Variants in MAP3K4 observed in about 807,000 individuals in gnomAD.
The protein encoded by MAP3K4 is MAP three kinase 1.
In MAP3K4, 67 loss-of-function variants were observed where a neutral mutation model predicts 185.6. The ratio of observed to expected loss-of-function variants is 0.36; its 90% CI spans 0.30 to 0.44. MAP3K4 has a LOEUF of 0.44. Ranked by LOEUF, MAP3K4 falls within the 20% of genes least tolerant of loss-of-function variation. The pLI is 1.00. For synonymous variants in MAP3K4, 702 were observed against 710.4 expected, an observed-to-expected ratio of 0.99 and a Z score of 0.19; for missense variants, 1,551 against 1,995.1, an observed-to-expected ratio of 0.78 and a Z score of 4.24.
In MAP3K4 at chr6:161,109,134, C is replaced by G. The variant is rs1010987715; in HGVS notation, c.4236+275C>G. On this transcript the variant is annotated intron_variant, in intron 22 of 26. Coordinates refer to ENST00000392142, the MANE Select transcript of MAP3K4 (RefSeq NM_005922.4). The surrounding 1 kb of genome is among the most constrained non-coding windows in gnomAD (Gnocchi z 5.7). ...GATTCTTCTAAAACGCCCCTTACACCACTTCTTGTGACTTTTTTTCCGTTT... is the reference window on the plus strand; with the variant it reads ...GATTCTTCTAAAACGCCCCTTACACGACTTCTTGTGACTTTTTTTCCGTTT... 2.5e-6 allele frequency: 2 copies of G among 815,908 alleles called. No homozygotes were observed. The highest frequency in any genetic ancestry group is 3.8e-6 in the Non-Finnish European group (2 of 520,952). The allele number at this position is 815,908 out of a possible 1,614,324, so 50.5% of individuals were successfully genotyped here. A position where few individuals can be genotyped will look rare whatever the true frequency, so the allele number is the denominator to read the frequency against.
At chr6:161,025,357 C>A (rs1380018200) in intron 1 of MAP3K4, among the ~76,000 whole-genome samples, 3 of 152,170 alleles carry the variant, frequency 2.0e-5, no homozygotes, top group South Asian at 2.1e-4. Flanking sequence ...GCCGTCAAAG[C>A]AAAGGTGAGA....
intron 1 of MAP3K4, among the ~76,000 whole-genome samples, chr6:161,003,543 G>A (rs1781430959): frequency 6.6e-6 from 1 of 152,154 alleles, no homozygotes; most frequent in South Asian, 2.1e-4. Context: ...TCAGAAGACT[G>A]TACTGCAAGG....
intron 1 of MAP3K4, among the ~76,000 whole-genome samples, chr6:161,005,314 G>GT (rs573986564): frequency 7.0e-4 from 106 of 151,826 alleles, no homozygotes; most frequent in African/African-American, 2.5e-3. Flanking sequence ...AGTTTTTTAA[G>GT]TTTTTTGTAG....
rs1209996976 is a variant in MAP3K4 at position 160,996,394 on chromosome 6, T to A, written c.152+4311T>A. Among the ~76,000 whole-genome samples, 1 of 152,204 alleles carries A rather than the reference T, an allele frequency of 6.6e-6. No homozygotes were observed. The highest frequency in any genetic ancestry group is 1.5e-5 in the Non-Finnish European group (1 of 68,038). ...TTCCTTCATGTATGCTCTCATGGTG[T>A]CCTGCAAATCTTGTTCTGAGCTCTG... On this transcript the variant is annotated intron_variant, in intron 1 of 26. Coordinates refer to ENST00000392142, the MANE Select transcript of MAP3K4 (RefSeq NM_005922.4). The surrounding 1 kb of genome is among the most constrained non-coding windows in gnomAD (Gnocchi z 4.5).
At chr6:161,018,486 G>A (rs893770446) in intron 1 of MAP3K4, among the ~76,000 whole-genome samples, 1 of 152,154 alleles carries the variant, frequency 6.6e-6, no homozygotes, top group Non-Finnish European at 1.5e-5. Flanking sequence ...AGTGAGGTTA[G>A]GCTGTTTCTA....
At chr6:161,052,380 A>T (rs952475951) in intron 3 of MAP3K4, among the ~76,000 whole-genome samples, 5 of 152,224 alleles carry the variant, frequency 3.3e-5, no homozygotes, top group African/African-American at 1.2e-4. Flanking sequence ...GGTTTGACCA[A>T]TTGAGATTTC....
chr6:161,090,980 T>C (rs1212825485), intron 11 of MAP3K4, among the ~76,000 whole-genome samples: 4 of 151,900 alleles, frequency 2.6e-5, no homozygotes, highest in Non-Finnish European at 5.9e-5. Context: ...GACTAGGGAG[T>C]AGCAGGGAAA....
At position 161,114,865 on chromosome 6, in the gene MAP3K4, A is replaced by G. The variant is rs958516054; in HGVS notation, c.4627-258A>G. Among the ~76,000 whole-genome samples, 1 of 152,156 alleles carries G rather than the reference A, an allele frequency of 6.6e-6. No individual in the cohort carries two copies. The highest frequency in any genetic ancestry group is 2.4e-5 in the African/African-American group (1 of 41,430). ...GCAAACTATGCTGGCCACCTGTTTT[A>G]TAAATAAAGTTTTGTTGGAACAGTC... On this transcript the variant is annotated intron_variant, in intron 25 of 26. Coordinates refer to ENST00000392142, the MANE Select transcript of MAP3K4 (RefSeq NM_005922.4). This position sits in a 1 kb window ranked among gnomAD's most constrained non-coding sequence, Gnocchi z 4.3.
rs180754572 is a variant in MAP3K4 at position 161,064,385 on chromosome 6, T to C, written c.1708-6223T>C. Among the ~76,000 whole-genome samples the C allele has an allele frequency of 2.8e-3, 422 of 152,308 alleles. 1 individual carries two copies. The highest frequency in any genetic ancestry group is 9.7e-3 in the African/African-American group (405 of 41,570). ...GTATAGTATGAGGTAAGCATGTCAT[T>C]ATTTTTCTGTTAATTGCTTATAACA... On this transcript the variant is annotated intron_variant, in intron 3 of 26. Coordinates refer to ENST00000392142, the MANE Select transcript of MAP3K4 (RefSeq NM_005922.4). The surrounding 1 kb of genome is among the most constrained non-coding windows in gnomAD (Gnocchi z 4.3).
intron 1 of MAP3K4, among the ~76,000 whole-genome samples, chr6:161,000,656 T>G (rs1164471358): frequency 2.6e-5 from 4 of 152,014 alleles, no homozygotes; most frequent in African/African-American, 9.7e-5. Context: ...GAGCAGTCCT[T>G]AAGAAAAGAA....
rs148937143 is a variant in MAP3K4 at position 161,110,004 on chromosome 6, C to T, written c.4396+90C>T. On this transcript the variant is annotated intron_variant, in intron 23 of 26. Transcript: ENST00000392142. This position sits in a 1 kb window ranked among gnomAD's most constrained non-coding sequence, Gnocchi z 4.8. ...TCTGAAGACGCTCATCCCATTCCCA[C>T]ATATGATTTCTCTAGATGGAAATAC... 2,625 of 1,341,758 alleles carry T rather than the reference C, an allele frequency of 2.0e-3. 8 individuals carry two copies. Among genetic ancestry groups the T allele is most frequent in the Non-Finnish European group, 2.6e-3 (2,494 of 952,894 alleles). 83.1% of individuals were successfully genotyped at this position (1,341,758 alleles called of 1,614,324 possible).
chr6:161,092,256 A>G, intron 13 of MAP3K4, 113 bp downstream of exon 13: 1 of 1,138,890 alleles, frequency 8.8e-7, no homozygotes, highest in Admixed American at 2.5e-5. Flanking sequence ...GAACACTCTA[A>G]ACTCTTCGGT....
chr6:161,002,010 C>G (rs548259259), intron 1 of MAP3K4, among the ~76,000 whole-genome samples: 3 of 147,190 alleles, frequency 2.0e-5, no homozygotes, highest in African/African-American at 5.4e-5. Context: ...AGAAACATTT[C>G]CCCCCCAACG....
Position 161,109,781 on chromosome 6 carries a change from C to G in MAP3K4, c.4263C>G (p.Tyr1421Ter). 6.2e-7 allele frequency: 1 copy of G among 1,614,136 alleles called. No homozygotes were observed. The highest frequency in any genetic ancestry group is 8.5e-7 in the Non-Finnish European group (1 of 1,180,026). ...HREEMYIFME[Y>*]CDEGTLEEVS... Reference sequence around the variant, plus strand: ...AAGAAATGTACATCTTCATGGAGTACTGCGATGAGGGGACTTTAGAAGAGG... The same window carrying G: ...AAGAAATGTACATCTTCATGGAGTAGTGCGATGAGGGGACTTTAGAAGAGG... The change falls in exon 23 of 27, where the codon TAC becomes TAG. Residue 1421 changes from tyrosine (Y) to a stop codon, truncating the protein, a stop_gained. Coordinates refer to ENST00000392142, the MANE Select transcript of MAP3K4 (RefSeq NM_005922.4). LOFTEE classifies it high-confidence loss of function. This position sits in a 1 kb window ranked among gnomAD's most constrained non-coding sequence, Gnocchi z 5.7.
chr6:161,036,098 C>T (rs976642862), intron 2 of MAP3K4, among the ~76,000 whole-genome samples: 3 of 152,132 alleles, frequency 2.0e-5, no homozygotes, highest in Non-Finnish European at 2.9e-5. Context: ...CAGCCAGTCA[C>T]TAGATGTTTG....
intron 3 of MAP3K4, among the ~76,000 whole-genome samples, chr6:161,060,478 T>G (rs1784432934): frequency 6.6e-6 from 1 of 152,214 alleles, no homozygotes; most frequent in Non-Finnish European, 1.5e-5. Context: ...CTTTGGACAA[T>G]GGGAACATAT....
Position 161,077,558 on chromosome 6 carries a change from G to A in MAP3K4, c.2098-3323G>A, listed in dbSNP as rs1785239394. On this transcript the variant is annotated intron_variant, in intron 5 of 26. Coordinates refer to ENST00000392142, the MANE Select transcript of MAP3K4 (RefSeq NM_005922.4). This position sits in a 1 kb window ranked among gnomAD's most constrained non-coding sequence, Gnocchi z 4.3. ...GGGCTCCAGCTGCAGGTGGAGAGTA[G>A]GCTGGGGGTCCAGAGCAGATGTGAG... is the stretch of plus-strand genomic sequence containing the variant. Among the ~76,000 whole-genome samples, 1 of 152,194 alleles carries A rather than the reference G, an allele frequency of 6.6e-6. No individual in the cohort carries two copies. The highest frequency in any genetic ancestry group is 2.4e-5 in the African/African-American group (1 of 41,452).
Position 161,064,258 on chromosome 6 carries a change from G to C in MAP3K4, c.1708-6350G>C, listed in dbSNP as rs1427200355. 6.6e-6 allele frequency among the ~76,000 whole-genome samples: 1 copy of C among 152,142 alleles called. No individual in the cohort carries two copies. On this transcript the variant is annotated intron_variant, in intron 3 of 26. Transcript: ENST00000392142. This position sits in a 1 kb window ranked among gnomAD's most constrained non-coding sequence, Gnocchi z 4.3. ...TTTTTCCAAATATATTGTTCAACAT[G>C]TATTTTTGTGTTTAATACATACTTT...
At chr6:161,032,459 TC>T (rs1322339576) in intron 1 of MAP3K4, among the ~76,000 whole-genome samples, 1 of 152,206 alleles carries the variant, frequency 6.6e-6, no homozygotes, top group East Asian at 1.9e-4. Context: ...TATTTATAAG[TC>T]TAAGTATTTA....
Sources: allele counts gnomAD v4.1 joint callset (sites outside exome capture counted in the v4.1 genomes callset), GRCh38; gene constraint gnomAD v4.1.1; non-coding constraint Gnocchi (gnomAD v3.1); transcripts MANE v1.5; gene names NCBI Gene and HGNC (gene_info 2026-07-23, HGNC 2026-07-21).